Variants in NCKAP5 observed in about 807,000 individuals in gnomAD.
The protein encoded by NCKAP5 is nck-associated protein 5.
In NCKAP5, 92 loss-of-function variants were observed where a neutral mutation model predicts 167.0. That is an observed-to-expected ratio of 0.55 (90% CI 0.47 to 0.66). The LOEUF is 0.66. NCKAP5 is among the 30% of genes least tolerant of loss of function. The pLI is 0.00. For missense variants in NCKAP5, 2,378 were observed against 2,315.0 expected, an observed-to-expected ratio of 1.03 and a Z score of -0.56; for synonymous variants, 891 against 877.4, an observed-to-expected ratio of 1.02 and a Z score of -0.27.
intron 2 of NCKAP5, among the ~76,000 whole-genome samples, chr2:133,539,319 C>A (rs1214145533): frequency 6.6e-6 from 1 of 152,032 alleles, no homozygotes; most frequent in East Asian, 1.9e-4. Context: ...GTAAGCTTCC[C>A]AGAGGCATCC....
chr2:132,962,615 T>C (rs907771477), intron 8 of NCKAP5, among the ~76,000 whole-genome samples: 2 of 152,060 alleles, frequency 1.3e-5, no homozygotes, highest in African/African-American at 4.8e-5. Context: ...GTTTGTTTGT[T>C]TTTTTGAGTC....
chr2:133,228,356 T>G (rs1219716629), intron 4 of NCKAP5, among the ~76,000 whole-genome samples: 1 of 152,216 alleles, frequency 6.6e-6, no homozygotes, highest in Non-Finnish European at 1.5e-5. Context: ...TGGAACTCAA[T>G]AGTTTTTGCA....
intron 11 of NCKAP5, among the ~76,000 whole-genome samples, chr2:132,835,943 C>G (rs1010828809): frequency 6.6e-6 from 1 of 152,268 alleles, no homozygotes; most frequent in Middle Eastern, 3.4e-3. Context: ...AAAGTGATTA[C>G]TGCATATTAG....
intron 3 of NCKAP5, among the ~76,000 whole-genome samples, chr2:133,505,359 C>T (rs527938070): frequency 1.1e-4 from 17 of 151,812 alleles, no homozygotes; most frequent in South Asian, 8.3e-4. Flanking sequence ...TATGCTATTC[C>T]ACTTTTAAAC....
At chr2:133,425,589 T>C (rs1002410945) in intron 3 of NCKAP5, among the ~76,000 whole-genome samples, 1 of 151,992 alleles carries the variant, frequency 6.6e-6, no homozygotes, top group African/African-American at 2.4e-5. Flanking sequence ...TACTAGATGA[T>C]AAAGTGAAAT....
chr2:133,248,428 T>C (rs1299858793), intron 4 of NCKAP5, among the ~76,000 whole-genome samples: 2 of 152,206 alleles, frequency 1.3e-5, no homozygotes, highest in Non-Finnish European at 2.9e-5. Context: ...GCATGTGCCC[T>C]GGGCTCGTCT....
chr2:133,259,387 T>A (rs1213446712), intron 4 of NCKAP5, among the ~76,000 whole-genome samples: 1 of 152,234 alleles, frequency 6.6e-6, no homozygotes, highest in Non-Finnish European at 1.5e-5. Context: ...TATAACTAAT[T>A]ACATATTATA....
At chr2:133,156,180 T>C (rs149872247) in intron 5 of NCKAP5, among the ~76,000 whole-genome samples, 7 of 152,324 alleles carry the variant, frequency 4.6e-5, no homozygotes, top group African/African-American at 1.7e-4. Flanking sequence ...TTTGGTACAA[T>C]GCACCTTAAA....
the NCKAP5 span, among the ~76,000 whole-genome samples, chr2:133,582,437 C>A: frequency 1.3e-5 from 2 of 152,180 alleles, no homozygotes; most frequent in African/African-American, 4.8e-5. Flanking sequence ...ATCACTCCAG[C>A]GTAATTCACT....
intron 16 of NCKAP5, among the ~76,000 whole-genome samples, chr2:132,764,958 G>A (rs540990768): frequency 1.3e-5 from 2 of 152,230 alleles, no homozygotes; most frequent in South Asian, 4.1e-4. Flanking sequence ...CTTGAAATGA[G>A]ACAGATAATT....
At chr2:133,483,815 TC>T (rs1050585836) in intron 3 of NCKAP5, among the ~76,000 whole-genome samples, 2 of 152,098 alleles carry the variant, frequency 1.3e-5, no homozygotes, top group South Asian at 4.2e-4. Context: ...TTGCATGGTC[TC>T]CCCCCATATC....
chr2:133,383,816 T>A (rs966517498), intron 3 of NCKAP5, among the ~76,000 whole-genome samples: 2 of 152,252 alleles, frequency 1.3e-5, no homozygotes, highest in Non-Finnish European at 2.9e-5. Flanking sequence ...TGATGGCCAG[T>A]GATGACAAGC....
At chr2:133,079,120 C>T (rs2080715257) in intron 6 of NCKAP5, among the ~76,000 whole-genome samples, 1 of 152,166 alleles carries the variant, frequency 6.6e-6, no homozygotes, top group Non-Finnish European at 1.5e-5. Flanking sequence ...TTTCCAGAGG[C>T]TATCCTGGAA....
chr2:133,010,858 T>C (rs1023938952), intron 6 of NCKAP5, among the ~76,000 whole-genome samples: 3 of 152,100 alleles, frequency 2.0e-5, no homozygotes, highest in African/African-American at 7.2e-5. Flanking sequence ...TATTCTTAAA[T>C]TGTCAATGGT....
chr2:133,050,484 A>C lies in NCKAP5; in HGVS notation c.342-56245T>G, dbSNP rs894244330. The stretch of plus-strand genomic sequence containing the variant: ...AAATCTGCATTCCACTGGCTAATAT[A>C]AAGTAATCTTTCCTGTTTGTAAAAT... On this transcript the variant is annotated intron_variant, in intron 6 of 19. Coordinates refer to ENST00000409261, the MANE Select transcript of NCKAP5 (RefSeq NM_207363.3). Among the ~76,000 whole-genome samples the C allele has an allele frequency of 2.0e-5, 3 of 152,224 alleles. 1 individual carries two copies. The highest frequency in any genetic ancestry group is 4.4e-5 in the Non-Finnish European group (3 of 68,044).
At chr2:132,729,055 C>G in intron 17 of NCKAP5, 103 bp from the exon 18 acceptor site, 3 of 1,472,452 alleles carry the variant, frequency 2.0e-6, no homozygotes, top group Non-Finnish European at 2.8e-6. Flanking sequence ...TAAAAAAGGT[C>G]CAAATACAGT....
intron 11 of NCKAP5, among the ~76,000 whole-genome samples, chr2:132,822,275 G>A (rs927902645): frequency 1.8e-4 from 28 of 152,090 alleles, no homozygotes; most frequent in African/African-American, 4.8e-4. Flanking sequence ...TTGAACATAC[G>A]TATAACCATG....
chr2:133,532,638 A>T (rs542574602), intron 2 of NCKAP5, among the ~76,000 whole-genome samples: 1 of 152,248 alleles, frequency 6.6e-6, no homozygotes, highest in South Asian at 2.1e-4. Context: ...GCTACATTTG[A>T]CAGGAAAATA....
intron 4 of NCKAP5, among the ~76,000 whole-genome samples, chr2:133,298,979 T>C (rs1680156666): frequency 6.6e-6 from 1 of 152,058 alleles, no homozygotes; most frequent in African/African-American, 2.4e-5. Flanking sequence ...ACATATGTAG[T>C]AACAAACCTG....
Sources: gnomAD v4.1 joint callset for allele counts (sites outside exome capture counted in the v4.1 genomes callset) on GRCh38, gnomAD v4.1.1 for gene constraint, MANE v1.5 for transcripts, NCBI Gene and HGNC (gene_info 2026-07-23, HGNC 2026-07-21) for gene names.